PAX5: variants seen among roughly 807,000 people sequenced by gnomAD.
PAX5 encodes the protein paired box 5.
A neutral mutation model predicts 43.7 loss-of-function variants in PAX5; 9 were observed. That is an observed-to-expected ratio of 0.21 (90% CI 0.12 to 0.36). The LOEUF is 0.36. Ranked by LOEUF, PAX5 falls within the 10% of genes least tolerant of loss-of-function variation. PAX5 has a pLI of 1.00. For missense variants in PAX5, 383 were observed against 532.7 expected, an observed-to-expected ratio of 0.72 and a Z score of 2.77; for synonymous variants, 228 against 214.3, an observed-to-expected ratio of 1.06 and a Z score of -0.56.
chr9:36,902,308 A>G (rs1417504990), intron 7 of PAX5, among the ~76,000 whole-genome samples: 1 of 152,244 alleles, frequency 6.6e-6, no homozygotes, highest in Non-Finnish European at 1.5e-5. Flanking sequence ...AAGCTTTGGC[A>G]GTGAAAGTCA....
chr9:36,930,169 C>A (rs1191541536), intron 6 of PAX5, among the ~76,000 whole-genome samples: 1 of 147,830 alleles, frequency 6.8e-6, no homozygotes, highest in African/African-American at 2.5e-5. Context: ...TCAGGGTCAT[C>A]TTTCCCAACA....
chr9:36,878,354 T>A (rs1345006882), intron 8 of PAX5, among the ~76,000 whole-genome samples: 2 of 152,232 alleles, frequency 1.3e-5, no homozygotes, highest in East Asian at 3.8e-4. Context: ...GTGAGAGTGA[T>A]GGACGTGGCG....
At position 36,881,936 on chromosome 9, in the gene PAX5, G is replaced by C. The variant is rs150639275; in HGVS notation, c.1012+68C>G. ...CGTAGAGGTCACCCAGGCTGTTTGG[G>C]GGGGGATGTCCCCCCACCGAAACCC... On this transcript the variant is annotated intron_variant, in intron 8 of 9. Transcript: ENST00000358127. 7.8e-3 allele frequency: 9,062 copies of C among 1,154,636 alleles called. 117 individuals are homozygous for C. The highest frequency in any genetic ancestry group is 0.05 in the Admixed American group (2,519 of 50,782). 71.5% of individuals were successfully genotyped at this position (1,154,636 alleles called of 1,614,324 possible).
intron 5 of PAX5, among the ~76,000 whole-genome samples, chr9:36,986,806 C>T (rs1836471338): frequency 1.3e-5 from 2 of 152,192 alleles, no homozygotes; most frequent in South Asian, 2.1e-4. Context: ...CCCTGGACCT[C>T]CTTCAAAGAT....
At chr9:36,877,531 G>A (rs1273101308) in intron 8 of PAX5, among the ~76,000 whole-genome samples, 1 of 152,200 alleles carries the variant, frequency 6.6e-6, no homozygotes, top group East Asian at 1.9e-4. Flanking sequence ...CAACCTCAGA[G>A]AGACAAAAGC....
intron 6 of PAX5, among the ~76,000 whole-genome samples, chr9:36,939,928 G>A (rs938232138): frequency 6.6e-5 from 10 of 152,318 alleles, no homozygotes; most frequent in African/African-American, 1.2e-4. Flanking sequence ...CCCTCCCCTC[G>A]ACGCGGGGCC....
chr9:36,848,335 A>C (rs1822791099), intron 8 of PAX5, among the ~76,000 whole-genome samples: 1 of 81,696 alleles, frequency 1.2e-5, no homozygotes, highest in Admixed American at 1.3e-4. Flanking sequence ...CCTCACAACC[A>C]CAGGCAGAGC....
intron 5 of PAX5, among the ~76,000 whole-genome samples, chr9:36,996,051 G>A (rs79841701): frequency 4.6e-5 from 7 of 152,210 alleles, no homozygotes; most frequent in African/African-American, 7.2e-5. Flanking sequence ...CCGGGCTCCC[G>A]GCTGCAGGCA....
At chr9:36,998,073 G>C (rs995021369) in intron 5 of PAX5, among the ~76,000 whole-genome samples, 1 of 152,208 alleles carries the variant, frequency 6.6e-6, no homozygotes, top group Admixed American at 6.5e-5. Flanking sequence ...CTAAGATAAA[G>C]CTTCCATTCT....
intron 5 of PAX5, among the ~76,000 whole-genome samples, chr9:36,968,733 AC>A (rs1834669966): frequency 6.6e-6 from 1 of 152,134 alleles, no homozygotes; most frequent in South Asian, 2.1e-4. Context: ...GCTCCTGCCC[AC>A]AGGACATCAT....
intron 7 of PAX5, among the ~76,000 whole-genome samples, chr9:36,883,941 G>C (rs1826686789): frequency 6.6e-6 from 1 of 152,056 alleles, no homozygotes; most frequent in Admixed American, 6.5e-5. Context: ...AGTAATTCAA[G>C]AAGAGTCAGA....
intron 6 of PAX5, among the ~76,000 whole-genome samples, chr9:36,928,911 T>C (rs1290494294): frequency 1.3e-5 from 2 of 152,116 alleles, no homozygotes; most frequent in Non-Finnish European, 2.9e-5. Context: ...ACCAGTAAAG[T>C]GTTTCCCCTG....
At chr9:36,996,031 C>T (rs376995597) in intron 5 of PAX5, among the ~76,000 whole-genome samples, 1 of 152,242 alleles carries the variant, frequency 6.6e-6, no homozygotes, top group Non-Finnish European at 1.5e-5. Flanking sequence ...TGTTGTTCAG[C>T]CTGGATGCCC....
intron 7 of PAX5, among the ~76,000 whole-genome samples, chr9:36,893,241 C>T (rs966707205): frequency 2.0e-5 from 3 of 152,196 alleles, no homozygotes; most frequent in Admixed American, 6.5e-5. Flanking sequence ...CCACTGCAGC[C>T]GCTCTCAGGC....
At chr9:36,854,781 C>T (rs970793607) in intron 8 of PAX5, among the ~76,000 whole-genome samples, 1 of 152,246 alleles carries the variant, frequency 6.6e-6, no homozygotes, top group Non-Finnish European at 1.5e-5. Context: ...CTCTCTCCCA[C>T]CAGCTCAGGC....
chr9:37,026,558 C>G (rs116815140), intron 1 of PAX5: 1 of 1,338,234 alleles, frequency 7.5e-7, no homozygotes, highest in African/African-American at 1.5e-5. Flanking sequence ...ACGGGTCGTG[C>G]TTACAGTGTA....
intron 6 of PAX5, among the ~76,000 whole-genome samples, chr9:36,947,623 A>C (rs1489237287): frequency 1.3e-5 from 2 of 152,098 alleles, no homozygotes; most frequent in Non-Finnish European, 2.9e-5. Flanking sequence ...AAAGTATTTA[A>C]GGATATGCAC....
chr9:37,032,421 C>A (rs1486394984), intron 1 of PAX5, among the ~76,000 whole-genome samples: 1 of 152,082 alleles, frequency 6.6e-6, no homozygotes, highest in African/African-American at 2.4e-5. Context: ...GCTGAGAAGC[C>A]CACTGCCAGG....
chr9:36,900,788 T>C (rs1382192869), intron 7 of PAX5, among the ~76,000 whole-genome samples: 1 of 152,128 alleles, frequency 6.6e-6, no homozygotes, highest in Non-Finnish European at 1.5e-5. Context: ...CCCCCAGTCC[T>C]GACCCCGCCC....
Sources: gnomAD v4.1 joint callset for allele counts (sites outside exome capture counted in the v4.1 genomes callset) on GRCh38, gnomAD v4.1.1 for gene constraint, MANE v1.5 for transcripts, NCBI Gene and HGNC (gene_info 2026-07-23, HGNC 2026-07-21) for gene names.